Variants in CGB1 observed in about 807,000 individuals in gnomAD.
The protein encoded by CGB1 is choriogonadotropin subunit beta variant 1.
CGB1 carries 4 observed loss-of-function variants against 7.0 expected under a neutral mutation model. That is an observed-to-expected ratio of 0.57 (90% CI 0.28 to 1.31). The LOEUF (loss-of-function observed/expected upper bound fraction) is 1.31, where lower values mean the gene tolerates loss of function less well. Ranked by LOEUF, CGB1 falls within the 50% of genes most tolerant of loss-of-function variation. The pLI is 0.10. For synonymous variants in CGB1, 72 were observed against 96.4 expected (o/e 0.75, Z 1.48); for missense variants, 139 against 219.1 (o/e 0.63, Z 2.31).
chr19:49,036,482 G>C, intron 1 of CGB1, 179 bp from the exon 2 acceptor site: 1 of 1,557,396 alleles, frequency 6.4e-7, no homozygotes, highest in South Asian at 1.2e-5. Context: ...GAGGACCTGA[G>C]ATACCCCAAC....
In CGB1 at chr19:49,035,618, C is replaced by A. The variant is rs1476931130; in HGVS notation, c.460G>T (p.Gly154Trp). 6.2e-7 allele frequency: 1 copy of A among 1,611,448 alleles called. No homozygotes were observed. The highest frequency in any genetic ancestry group is 1.3e-5 in the African/African-American group (1 of 74,360). ...PSLPSPSRLP[G>W]P is the part of the protein sequence containing the mutation. ...GGGAGGATCGGGGTGTCCTAGGGCCCCGGGAGACGGGATGGACTTGGAAGG... is the reference window on the plus strand; with the variant it reads ...GGGAGGATCGGGGTGTCCTAGGGCCACGGGAGACGGGATGGACTTGGAAGG... The change falls in exon 3 of 3, where the codon GGG (glycine) becomes TGG (tryptophan). Residue 154 changes from glycine (G) to tryptophan (W), a missense_variant. Gly to Trp is a radical substitution (Grantham distance 184). Around this residue, in one of 4 missense-constraint regions of CGB1, gnomAD observed 44 missense variants for 35.0 expected, o/e 1.26. Coordinates refer to ENST00000301407, the MANE Select transcript of CGB1 (RefSeq NM_033377.2).
intron 1 of CGB1, 130 bp from the exon 2 acceptor site, chr19:49,036,433 A>G (rs1600224025): frequency 1.3e-6 from 2 of 1,573,670 alleles, no homozygotes; most frequent in African/African-American, 1.4e-5. Context: ...AGGACCCACC[A>G]CCCGGACACC....
chr19:49,036,377 A>T lies in CGB1; in HGVS notation c.10-74T>A. 3.1e-6 allele frequency: 5 copies of T among 1,601,450 alleles called. No homozygotes were observed. The East Asian group carries it at 8.9e-5, about 29-fold the overall frequency. Reference sequence around the variant, plus strand: ...TCCTGGCCTTCCCATCCCGCATGGTACACCACCCACAAAGACCCAGAGACC... The same window carrying T: ...TCCTGGCCTTCCCATCCCGCATGGTTCACCACCCACAAAGACCCAGAGACC... On this transcript the variant is annotated intron_variant, in intron 1 of 2. Coordinates refer to ENST00000301407, the MANE Select transcript of CGB1 (RefSeq NM_033377.2).
At chr19:49,036,370 G>C (rs1195008614) in intron 1 of CGB1, 67 bp from the exon 2 acceptor site, 4 of 1,601,626 alleles carry the variant, frequency 2.5e-6, no homozygotes, top group East Asian at 2.2e-5. Flanking sequence ...TTCCCATCCC[G>C]CATGGTACAC....
In CGB1 at chr19:49,035,839, A is replaced by G. The variant is rs2039808655; in HGVS notation, c.239T>C (p.Val80Ala). The change falls in exon 3 of 3, where the codon GTG (valine) becomes GCG (alanine). Residue 80 changes from valine to alanine, a missense_variant. Coordinates refer to ENST00000301407, the MANE Select transcript of CGB1 (RefSeq NM_033377.2). ...AGGGAGCCGGATGGACTCGAAGCGC[A>G]CATCGCGGTAGTTGCACACCACCTG... Reference protein sequence around the residue: ...LPQVVCNYRDVRFESIRLPGC... With the variant: ...LPQVVCNYRDARFESIRLPGC... 1 of 1,535,154 alleles carries G rather than the reference A, an allele frequency of 6.5e-7. No homozygotes were observed.
At chr19:49,036,373 T>A in intron 1 of CGB1, 70 bp from the exon 2 acceptor site, 1 of 1,601,812 alleles carries the variant, frequency 6.2e-7, no homozygotes, top group Non-Finnish European at 8.5e-7. Flanking sequence ...CCATCCCGCA[T>A]GGTACACCAC....
intron 1 of CGB1, 38 bp from the exon 2 acceptor site, chr19:49,036,341 G>C: frequency 6.2e-7 from 1 of 1,602,816 alleles, no homozygotes. Flanking sequence ...GTCTGAGACT[G>C]CAGCCCCCAG....
At position 49,035,674 on chromosome 19, in the gene CGB1, T is replaced by G. The variant is rs201231416; in HGVS notation, c.404A>C (p.Asp135Ala). Residue 135 changes from aspartate (D) to alanine (A), a missense_variant, in exon 3 of 3, where the codon GAC becomes GCC. Physicochemically the swap from Asp to Ala is moderately radical, Grantham distance 126. Around this residue, in one of 4 missense-constraint regions of CGB1, gnomAD observed 44 missense variants for 35.0 expected, o/e 1.26. Transcript: ENST00000301407. Reference sequence around the variant, plus strand: ...GGGAGGGGCCTTTGAGGAAGAGGAGTCCTGGAAGCGGGGGTCATCACAGGT... The same window carrying G: ...GGGAGGGGCCTTTGAGGAAGAGGAGGCCTGGAAGCGGGGGTCATCACAGGT... ...PLTCDDPRFQ[D>A]SSSSKAPPPS... The G allele has an allele frequency of 3.1e-3, 5,026 of 1,606,738 alleles. 36 individuals are homozygous for G. Among genetic ancestry groups the G allele is most frequent in the African/African-American group, 0.02 (1,443 of 71,778 alleles).
At chr19:49,036,335 G>C (rs778766662) in intron 1 of CGB1, 32 bp from the exon 2 acceptor site, 11 of 1,603,214 alleles carry the variant, frequency 6.9e-6, no homozygotes, top group African/African-American at 5.3e-5. Flanking sequence ...ACCCGGGTCT[G>C]AGACTGCAGC....
chr19:49,036,261 C>T lies in CGB1; in HGVS notation c.52G>A (p.Ala18Thr), dbSNP rs553812864. The T allele has an allele frequency of 4.5e-5, 72 of 1,607,948 alleles. No individual in the cohort carries two copies. The highest frequency in any genetic ancestry group is 4.1e-5 in the Non-Finnish European group (48 of 1,179,704). The change falls in exon 2 of 3, where the codon GCA becomes ACA. Residue 18 changes from alanine to threonine, a missense_variant. Coordinates refer to ENST00000301407, the MANE Select transcript of CGB1 (RefSeq NM_033377.2). ...CGTGGCCGAAGCGGCTCCTTGGATGCCCATGTCCCGCCCATGCTCAGCAGC... is the reference window on the plus strand; with the variant it reads ...CGTGGCCGAAGCGGCTCCTTGGATGTCCATGTCCCGCCCATGCTCAGCAGC... ...LLLLSMGGTW[A>T]SKEPLRPRCR...
Position 49,036,854 on chromosome 19 carries a change from T to A in CGB1, c.-143A>T. 7 of 1,200,944 alleles carry A rather than the reference T, an allele frequency of 5.8e-6. No homozygotes were observed. Among genetic ancestry groups the A allele is most frequent in the Non-Finnish European group, 8.5e-6 (7 of 819,854 alleles). 74.4% of individuals were successfully genotyped at this position (1,200,944 alleles called of 1,614,324 possible). A position where few individuals can be genotyped will look rare whatever the true frequency, so the allele number is the denominator to read the frequency against. On this transcript the variant is annotated 5_prime_UTR_variant, in exon 1 of 3. Coordinates refer to ENST00000301407, the MANE Select transcript of CGB1 (RefSeq NM_033377.2). The stretch of plus-strand genomic sequence containing the variant: ...CCTGGCCAGAGTCAGCGGACCCAAT[T>A]GGCTGCTCTCTCTCAGATGCAGTTC...
intron 1 of CGB1, 46 bp downstream of exon 1, chr19:49,036,657 T>G: frequency 3.7e-6 from 6 of 1,613,976 alleles, no homozygotes; most frequent in Non-Finnish European, 5.1e-6. Context: ...CAGTCTTTCC[T>G]GGAACATCTC....
rs2039809609 is a variant in CGB1, at chr19:49,035,894, C to T, written c.184G>A (p.Val62Met). The change falls in exon 3 of 3, where the codon GTG becomes ATG. Residue 62 changes from valine (V) to methionine (M), a missense_variant. This residue lies in a region of CGB1 where 60 missense variants were observed against 105.8 expected (regional missense o/e 0.57). Transcript: ENST00000301407. ...AGGGCCGGCAGGACCCCCTGCAGCA[C>T]GCGGGTCTGGAAGCCGTGTGAGTGG... The part of the protein sequence containing the change: ...CAGYCPTMTR[V>M]LQGVLPALPQ... 5.1e-6 allele frequency: 7 copies of T among 1,369,610 alleles called. 1 individual carries two copies. The Middle Eastern group carries it at 7.7e-4, about 150-fold the overall frequency. 84.8% of individuals were successfully genotyped at this position (1,369,610 alleles called of 1,614,324 possible). A position where few individuals can be genotyped will look rare whatever the true frequency, so the allele number is the denominator to read the frequency against.
rs2039812251 is a variant in CGB1, at chr19:49,036,051, A to G, written c.177+85T>C. On this transcript the variant is annotated intron_variant, in intron 2 of 2. Transcript: ENST00000301407. ...ACCCCATTCCGCAGCCCCTGACCAG[A>G]GAGGCAGACCACCCTTCCTCCCCCG... 1.7e-5 allele frequency: 27 copies of G among 1,580,546 alleles called. No individual in the cohort carries two copies. In the South Asian group the frequency reaches 3.0e-4, roughly 18 times the overall value.
At position 49,035,643 on chromosome 19, in the gene CGB1, G is replaced by T. The variant is rs200388907; in HGVS notation, c.435C>A (p.Ser145Arg). 1.2e-6 allele frequency: 2 copies of T among 1,611,330 alleles called. No individual in the cohort carries two copies. Among genetic ancestry groups the T allele is most frequent in the Admixed American group, 3.3e-5 (2 of 59,986 alleles). ...DSSSSKAPPPSLPSPSRLPGP is the reference protein window; with the variant it reads ...DSSSSKAPPPRLPSPSRLPGP ...CCGGGAGACGGGATGGACTTGGAAG[G>T]CTGGGGGGAGGGGCCTTTGAGGAAG... The change falls in exon 3 of 3, where the codon AGC (serine) becomes AGA (arginine). Residue 145 changes from serine (S) to arginine (R), a missense_variant. Physicochemically the swap from Ser to Arg is moderately radical, Grantham distance 110. Coordinates refer to ENST00000301407, the MANE Select transcript of CGB1 (RefSeq NM_033377.2).
rs1405189820 is a variant in CGB1 at position 49,036,362 on chromosome 19, C to T, written c.10-59G>A. On this transcript the variant is annotated intron_variant, in intron 1 of 2. Transcript: ENST00000301407. Reference sequence around the variant, plus strand: ...GACTGCAGCCCCCAGTCCTGGCCTTCCCATCCCGCATGGTACACCACCCAC... The same window carrying T: ...GACTGCAGCCCCCAGTCCTGGCCTTTCCATCCCGCATGGTACACCACCCAC... 1.9e-6 allele frequency: 3 copies of T among 1,602,010 alleles called. No individual in the cohort carries two copies. The South Asian group carries it at 3.3e-5, about 18-fold the overall frequency.
chr19:49,036,456 C>G, intron 1 of CGB1, 153 bp from the exon 2 acceptor site: 1 of 1,559,222 alleles, frequency 6.4e-7, no homozygotes, highest in Non-Finnish European at 8.7e-7. Context: ...CCTTTCAGAG[C>G]CCACCCCACA....
Position 49,036,859 on chromosome 19 carries a change from G to C in CGB1, c.-148C>G. 8.7e-7 allele frequency: 1 copy of C among 1,154,952 alleles called. No homozygotes were observed. The highest frequency in any genetic ancestry group is 1.3e-6 in the Non-Finnish European group (1 of 781,618). 71.5% of individuals were successfully genotyped at this position (1,154,952 alleles called of 1,614,324 possible). On this transcript the variant is annotated 5_prime_UTR_variant, in exon 1 of 3. Transcript: ENST00000301407. ...CCAGAGTCAGCGGACCCAATTGGCTGCTCTCTCTCAGATGCAGTTCCCCTT... is the reference window on the plus strand; with the variant it reads ...CCAGAGTCAGCGGACCCAATTGGCTCCTCTCTCTCAGATGCAGTTCCCCTT...
In CGB1 at chr19:49,035,589, T is replaced by C. The variant is rs1015752308; in HGVS notation, c.*21A>G. 1.2e-6 allele frequency: 2 copies of C among 1,611,788 alleles called. No homozygotes were observed. Among genetic ancestry groups the C allele is most frequent in the African/African-American group, 1.3e-5 (1 of 74,658 alleles). The stretch of plus-strand genomic sequence containing the variant: ...CAGAGTGCGGATTGAGAAGCCTTTA[T>C]TGTGGGAGGATCGGGGTGTCCTAGG... On this transcript the variant is annotated 3_prime_UTR_variant, in exon 3 of 3. Coordinates refer to ENST00000301407, the MANE Select transcript of CGB1 (RefSeq NM_033377.2).
Sources: allele counts gnomAD v4.1 joint callset, GRCh38; gene constraint gnomAD v4.1.1; regional missense constraint gnomAD v4.1.1; transcripts MANE v1.5; gene names NCBI Gene and HGNC (gene_info 2026-07-23, HGNC 2026-07-21).